GAB1: variants seen among roughly 807,000 people sequenced by gnomAD.
The protein encoded by GAB1 is GRB2-associated-binding protein 1.
Under a neutral mutation model 66.5 loss-of-function variants are expected in GAB1, and 19 were observed. That is an observed-to-expected ratio of 0.29 (90% CI 0.20 to 0.42). The LOEUF (loss-of-function observed/expected upper bound fraction) is 0.42. Among genes scored for constraint, GAB1 ranks in the 10% least tolerant of loss-of-function variants. GAB1 has a pLI of 1.00. For synonymous variants in GAB1, 294 were observed against 301.4 expected (o/e 0.98, Z 0.25); for missense variants, 732 against 858.5 (o/e 0.85, Z 1.84).
rs1158673850 is a variant in GAB1 at position 143,471,185 on chromosome 4, G to A, written c.*1996G>A. The A allele has an allele frequency of 1.3e-5, 2 of 151,916 alleles. No homozygotes were observed. The highest frequency in any genetic ancestry group is 4.8e-5 in the African/African-American group (2 of 41,354). 9.4% of individuals were successfully genotyped at this position (151,916 alleles called of 1,614,324 possible). On this transcript the variant is annotated 3_prime_UTR_variant, in exon 10 of 10. Transcript: ENST00000262994. ...AAAATCTTTACAGCTGCCTATCAAG[G>A]GTCTAAAGCACTTAATGAATGTTTT...
Position 143,342,543 on chromosome 4 carries a change from C to CTTT in GAB1, c.72+5308_72+5310dup, listed in dbSNP as rs5862632. Reference sequence around the variant, plus strand: ...GAGAAAGTTTCAGAGGTGATAGATTCTTTTTTTTTTTTTTTTTTTTTTTTT... The same window carrying CTTT: ...GAGAAAGTTTCAGAGGTGATAGATTCTTTTTTTTTTTTTTTTTTTTTTTTTTTT... On this transcript the variant is annotated intron_variant, in intron 1 of 9. Coordinates refer to ENST00000262994, the MANE Select transcript of GAB1 (RefSeq NM_002039.4). 3.1e-3 allele frequency among the ~76,000 whole-genome samples: 192 copies of CTTT among 62,504 alleles called. 21 individuals carry two copies. The highest frequency in any genetic ancestry group is 0.01 in the African/African-American group (167 of 15,980). The allele number at this position is 62,504 out of a possible 152,430, so 41.0% of individuals were successfully genotyped here.
chr4:143,378,764 T>C (rs1730529747), intron 1 of GAB1, among the ~76,000 whole-genome samples: 2 of 151,956 alleles, frequency 1.3e-5, no homozygotes, highest in Non-Finnish European at 2.9e-5. Context: ...ACGACAGAGC[T>C]CATACTCCAA....
At chr4:143,366,618 T>C (rs116016353) in intron 1 of GAB1, among the ~76,000 whole-genome samples, 183 of 152,222 alleles carry the variant, frequency 1.2e-3, no homozygotes, top group African/African-American at 4.4e-3. Flanking sequence ...ATTCCCTCAC[T>C]ATCACCTCAT....
At position 143,473,059 on chromosome 4, in the gene GAB1, G is replaced by A. The variant is rs779938207; in HGVS notation, c.*3870G>A. 2.0e-5 allele frequency: 3 copies of A among 151,992 alleles called. No individual in the cohort carries two copies. The highest frequency in any genetic ancestry group is 3.9e-4 in the East Asian group (2 of 5,194). The allele number at this position is 151,992 out of a possible 1,614,324, so 9.4% of individuals were successfully genotyped here. The stretch of plus-strand genomic sequence containing the variant: ...TCTTCTATAGACTTAATTTTATTCC[G>A]GTTCAGTATAATCTCTGTTAACAGA... On this transcript the variant is annotated 3_prime_UTR_variant, in exon 10 of 10. Transcript: ENST00000262994.
Position 143,469,075 on chromosome 4 carries a change from G to A in GAB1, c.1971G>A (p.Val657=). 1 of 1,614,154 alleles carries A rather than the reference G, an allele frequency of 6.2e-7. No individual in the cohort carries two copies. The highest frequency in any genetic ancestry group is 8.5e-7 in the Non-Finnish European group (1 of 1,180,004). ...GCAGCAGTGTAGCAGATGAGAGAGT[G>A]GATTATGTTGTTGTTGACCAACAGA... ...GSGSSVADER[V]DYVVVDQQKT... The change falls in exon 10 of 10, where the codon GTG becomes GTA. Residue 657 remains valine, a synonymous_variant. Coordinates refer to ENST00000262994, the MANE Select transcript of GAB1 (RefSeq NM_002039.4).
chr4:143,446,439 A>G (rs1734540664), intron 6 of GAB1, among the ~76,000 whole-genome samples: 1 of 151,002 alleles, frequency 6.6e-6, no homozygotes, highest in East Asian at 1.9e-4. Flanking sequence ...ATTTCTCCAC[A>G]TCCTCTCCAG....
At chr4:143,429,061 A>G (rs1418935609) in intron 2 of GAB1, among the ~76,000 whole-genome samples, 1 of 152,208 alleles carries the variant, frequency 6.6e-6, no homozygotes, top group East Asian at 1.9e-4. Context: ...CTTTAGTCTT[A>G]TACTTGGCCC....
At chr4:143,361,456 G>GT (rs932409537) in intron 1 of GAB1, among the ~76,000 whole-genome samples, 1 of 152,142 alleles carries the variant, frequency 6.6e-6, no homozygotes, top group Admixed American at 6.5e-5. Context: ...CTGACTTGCA[G>GT]TATCAGTCAG....
At chr4:143,430,451 A>G (rs1324776934) in intron 2 of GAB1, among the ~76,000 whole-genome samples, 1 of 152,182 alleles carries the variant, frequency 6.6e-6, no homozygotes, top group African/African-American at 2.4e-5. Context: ...CCATGTACCT[A>G]AACATGTCAA....
chr4:143,384,482 C>T (rs2149679580), intron 1 of GAB1, among the ~76,000 whole-genome samples: 1 of 152,306 alleles, frequency 6.6e-6, no homozygotes, highest in Non-Finnish European at 1.5e-5. Context: ...GTGAACTTGA[C>T]TTTCCTTGAG....
At chr4:143,401,614 G>A (rs917535040) in intron 1 of GAB1, among the ~76,000 whole-genome samples, 37 of 152,026 alleles carry the variant, frequency 2.4e-4, no homozygotes, top group African/African-American at 4.1e-4. Flanking sequence ...CTTTCCCTCC[G>A]TAATTCTAGC....
Position 143,472,554 on chromosome 4 carries a change from G to A in GAB1, c.*3365G>A, listed in dbSNP as rs1205309505. 6 of 152,164 alleles carry A rather than the reference G, an allele frequency of 3.9e-5. No homozygotes were observed. The highest frequency in any genetic ancestry group is 8.8e-5 in the Non-Finnish European group (6 of 68,032). The allele number at this position is 152,164 out of a possible 1,614,324, so 9.4% of individuals were successfully genotyped here. A position where few individuals can be genotyped will look rare whatever the true frequency, so the allele number is the denominator to read the frequency against. On this transcript the variant is annotated 3_prime_UTR_variant, in exon 10 of 10. Coordinates refer to ENST00000262994, the MANE Select transcript of GAB1 (RefSeq NM_002039.4). Reference sequence around the variant, plus strand: ...CTACTTTATGCCTACACACTATGCTGTAGATACTGATCATAATTCTTGGGT... The same window carrying A: ...CTACTTTATGCCTACACACTATGCTATAGATACTGATCATAATTCTTGGGT...
chr4:143,464,906 C>G (rs904011371), intron 8 of GAB1, among the ~76,000 whole-genome samples: 2 of 152,192 alleles, frequency 1.3e-5, no homozygotes, highest in Admixed American at 6.5e-5. Context: ...TAAAAAGAAT[C>G]AACAGAACCA....
At chr4:143,461,610 G>C (rs1735496848) in intron 8 of GAB1, among the ~76,000 whole-genome samples, 1 of 152,150 alleles carries the variant, frequency 6.6e-6, no homozygotes, top group Non-Finnish European at 1.5e-5. Context: ...AGACACAAAG[G>C]AGCTAGAAAA....
chr4:143,336,952 A>T lies in GAB1; in HGVS notation c.-237A>T. 4.1e-6 allele frequency: 2 copies of T among 482,296 alleles called. No homozygotes were observed. The highest frequency in any genetic ancestry group is 7.3e-6 in the Non-Finnish European group (2 of 272,762). 29.9% of individuals were successfully genotyped at this position (482,296 alleles called of 1,614,324 possible). On this transcript the variant is annotated 5_prime_UTR_variant, in exon 1 of 10. In the 5' UTR this introduces an upstream ATG that the reference lacks. Coordinates refer to ENST00000262994, the MANE Select transcript of GAB1 (RefSeq NM_002039.4). ...CTGGAGGCGAGGCGGGCGCACTGAA[A>T]GGAGGCCGGCGCGCCCGCGGCCCCG...
At chr4:143,395,290 C>A (rs577794239) in intron 1 of GAB1, 3 of 152,158 alleles carry the variant, frequency 2.0e-5, no homozygotes, top group Admixed American at 2.0e-4. Flanking sequence ...ATCCCTCCAG[C>A]GGCTAGAACA....
intron 3 of GAB1, among the ~76,000 whole-genome samples, chr4:143,435,287 GA>G (rs990657967): frequency 2.0e-5 from 3 of 152,054 alleles, no homozygotes; most frequent in Non-Finnish European, 2.9e-5. Context: ...TGTAAGAGCA[GA>G]AAAAAATTTA....
In GAB1 at chr4:143,415,514, G is replaced by A. The variant is rs746261423; in HGVS notation, c.110G>A (p.Arg37His). 2.6e-5 allele frequency: 42 copies of A among 1,612,478 alleles called. No individual in the cohort carries two copies. Among genetic ancestry groups the A allele is most frequent in the Middle Eastern group, 1.7e-4 (1 of 5,960 alleles). ...AGATGGTTCGTGTTACGCAGTGGCC[G>A]TTTAACTGGAGATCCAGATGTTTTG... ...KRRWFVLRSG[R>H]LTGDPDVLEY... The change falls in exon 2 of 10, where the codon CGT becomes CAT. Residue 37 changes from arginine to histidine, a missense_variant. Arg to His is a conservative substitution (Grantham distance 29). Around this residue, in one of 4 missense-constraint regions of GAB1, gnomAD observed 66 missense variants for 130.3 expected, o/e 0.51. Coordinates refer to ENST00000262994, the MANE Select transcript of GAB1 (RefSeq NM_002039.4).
intron 9 of GAB1, among the ~76,000 whole-genome samples, chr4:143,468,359 C>T (rs1041385533): frequency 1.3e-4 from 20 of 151,124 alleles, no homozygotes; most frequent in Non-Finnish European, 2.5e-4. Flanking sequence ...GGATTACAGG[C>T]GCGTGCCACC....
Sources: gnomAD v4.1 joint callset for allele counts (sites outside exome capture counted in the v4.1 genomes callset) on GRCh38, gnomAD v4.1.1 for gene constraint, gnomAD v4.1.1 regional missense constraint, MANE v1.5 for transcripts, NCBI Gene and HGNC (gene_info 2026-07-23, HGNC 2026-07-21) for gene names.